WDR27: variants seen among roughly 807,000 people sequenced by gnomAD.
WDR27 encodes WD repeat-containing protein 27.
Under a neutral mutation model 114.4 loss-of-function variants are expected in WDR27, and 100 were observed. The ratio of observed to expected loss-of-function variants is 0.87; its 90% CI spans 0.74 to 1.03. WDR27 has a LOEUF of 1.03. WDR27 is among the 50% of genes least tolerant of loss of function. The pLI is 0.00. For missense variants in WDR27, 1,129 were observed against 1,092.9 expected (o/e 1.03, Z -0.47); for synonymous variants, 449 against 423.1 (o/e 1.06, Z -0.75).
At chr6:169,690,877 A>G (rs1338975544) in intron 1 of WDR27, among the ~76,000 whole-genome samples, 1 of 152,190 alleles carries the variant, frequency 6.6e-6, no homozygotes, top group Non-Finnish European at 1.5e-5. Flanking sequence ...TCACAAGAGA[A>G]GTGAAGCAAA....
chr6:169,582,807 G>A (rs1476295420), intron 24 of WDR27, 29 bp downstream of exon 24: 2 of 1,572,904 alleles, frequency 1.3e-6, no homozygotes, highest in Non-Finnish European at 1.7e-6. Context: ...ATGCAGCAGA[G>A]GCGCCCCACC....
At chr6:169,479,066 T>G (rs759452842) in intron 25 of WDR27, among the ~76,000 whole-genome samples, 1 of 152,172 alleles carries the variant, frequency 6.6e-6, no homozygotes, top group Non-Finnish European at 1.5e-5. Context: ...AAATGGGACC[T>G]AATGAAATGA....
intron 25 of WDR27, among the ~76,000 whole-genome samples, chr6:169,561,917 T>G (rs1799727278): frequency 6.6e-6 from 1 of 152,164 alleles, no homozygotes; most frequent in African/African-American, 2.4e-5. Flanking sequence ...AGTGGCTATA[T>G]TAATATCGGA....
At chr6:169,679,547 C>A (rs917825379) in intron 2 of WDR27, among the ~76,000 whole-genome samples, 1 of 152,154 alleles carries the variant, frequency 6.6e-6, no homozygotes, top group Non-Finnish European at 1.5e-5. Context: ...TGGCTTAATG[C>A]TGTCCTCACC....
At chr6:169,574,222 T>A (rs1348015033) in intron 24 of WDR27, among the ~76,000 whole-genome samples, 1 of 152,298 alleles carries the variant, frequency 6.6e-6, no homozygotes, top group Non-Finnish European at 1.5e-5. Flanking sequence ...TTACTCATTT[T>A]GAGGGTCCTC....
intron 25 of WDR27, among the ~76,000 whole-genome samples, chr6:169,564,705 C>A (rs901178963): frequency 2.0e-5 from 3 of 151,802 alleles, no homozygotes; most frequent in African/African-American, 7.3e-5. Context: ...CTGGCTCCCA[C>A]GAGACTCTCA....
At chr6:169,664,688 C>T in intron 7 of WDR27, 2 of 1,011,206 alleles carry the variant, frequency 2.0e-6, no homozygotes, top group Non-Finnish European at 2.4e-6. Context: ...AAAAAAAAAT[C>T]TAAGTTTTCA....
At chr6:169,633,924 T>G (rs1298937115) in intron 20 of WDR27, among the ~76,000 whole-genome samples, 1 of 152,234 alleles carries the variant, frequency 6.6e-6, no homozygotes, top group African/African-American at 2.4e-5. Flanking sequence ...GATTGAACTT[T>G]GAGTAAATTA....
chr6:169,601,490 T>C lies in WDR27; in HGVS notation c.2424+729A>G, dbSNP rs551299473. On this transcript the variant is annotated intron_variant, in intron 23 of 25. Transcript: ENST00000448612. ...TACATTTTGTAAATGAAAATACCAC[T>C]ACTAAAAACAGAATGCTACAGATAG... 3.3e-5 allele frequency among the ~76,000 whole-genome samples: 5 copies of C among 152,360 alleles called. No individual in the cohort carries two copies. The East Asian group carries it at 9.6e-4, about 29-fold the overall frequency.
chr6:169,695,526 C>T (rs1014077139), intron 1 of WDR27, among the ~76,000 whole-genome samples: 4 of 152,218 alleles, frequency 2.6e-5, no homozygotes, highest in African/African-American at 9.6e-5. Context: ...TAGAGGGTAA[C>T]ACTCAGAAAG....
At chr6:169,453,551 C>T (rs971495946), downstream of WDR27, among the ~76,000 whole-genome samples, 2 of 152,140 alleles carry the variant, frequency 1.3e-5, no homozygotes, top group African/African-American at 4.8e-5. Context: ...TTTTGAAGTC[C>T]TCATGTTAGT....
At chr6:169,618,348 A>C (rs1440126212) in intron 21 of WDR27, among the ~76,000 whole-genome samples, 2 of 151,898 alleles carry the variant, frequency 1.3e-5, no homozygotes, top group Non-Finnish European at 2.9e-5. Flanking sequence ...GTAGTATCCT[A>C]TCAAGTTTTA....
chr6:169,650,442 T>C (rs1822069504), intron 14 of WDR27, among the ~76,000 whole-genome samples: 1 of 136,214 alleles, frequency 7.3e-6, no homozygotes, highest in East Asian at 2.4e-4. Flanking sequence ...CTCTCATCTC[T>C]CCATCCCTCT....
At chr6:169,653,977 G>C (rs1343411461) in intron 13 of WDR27, among the ~76,000 whole-genome samples, 3 of 152,232 alleles carry the variant, frequency 2.0e-5, no homozygotes, top group Admixed American at 1.3e-4. Context: ...GCCGGAAGCT[G>C]TGGATTTGTG....
intron 21 of WDR27, among the ~76,000 whole-genome samples, chr6:169,629,344 C>A (rs998961513): frequency 6.6e-6 from 1 of 152,050 alleles, no homozygotes; most frequent in South Asian, 2.1e-4. Context: ...TCAGCCTAAG[C>A]TCTAACAGGC....
chr6:169,554,732 A>C (rs1171220353), intron 25 of WDR27, among the ~76,000 whole-genome samples: 6 of 152,126 alleles, frequency 3.9e-5, no homozygotes, highest in Non-Finnish European at 8.8e-5. Context: ...GTAAAAGGGG[A>C]TTCGCTGTAC....
chr6:169,596,183 A>T (rs1806752467), intron 23 of WDR27, among the ~76,000 whole-genome samples: 1 of 152,068 alleles, frequency 6.6e-6, no homozygotes, highest in South Asian at 2.1e-4. Flanking sequence ...ATATTTTTGA[A>T]CTATCATAGT....
intron 1 of WDR27, among the ~76,000 whole-genome samples, chr6:169,699,186 G>A (rs1787127809): frequency 6.6e-6 from 1 of 152,182 alleles, no homozygotes; most frequent in African/African-American, 2.4e-5. Flanking sequence ...GAACTGGCTG[G>A]TGTGCAAGCG....
intron 25 of WDR27, among the ~76,000 whole-genome samples, chr6:169,521,840 C>A (rs1794422866): frequency 6.6e-6 from 1 of 151,384 alleles, no homozygotes; most frequent in African/African-American, 2.4e-5. Flanking sequence ...AAACATACTA[C>A]CAGAGGAAAT....
Sources: gnomAD v4.1 joint callset for allele counts (sites outside exome capture counted in the v4.1 genomes callset) on GRCh38, gnomAD v4.1.1 for gene constraint, MANE v1.5 for transcripts, NCBI Gene and HGNC (gene_info 2026-07-23, HGNC 2026-07-21) for gene names.